The following CATSPERT variants were observed in gnomAD, a reference collection of about 807,000 sequenced individuals.
The protein encoded by CATSPERT is cation channel sperm-associated targeting subunit tau.
chr2:201,589,579 C>A, the CATSPERT span, among the ~76,000 whole-genome samples: 3 of 152,090 alleles, frequency 2.0e-5, no homozygotes, highest in Non-Finnish European at 4.4e-5. Context: ...TGGACCTCTA[C>A]CTTATACCAT....
chr2:201,519,579 C>G, the CATSPERT span, among the ~76,000 whole-genome samples: 1 of 151,096 alleles, frequency 6.6e-6, no homozygotes. Flanking sequence ...CACTGAGATA[C>G]AAGAGAATAC....
chr2:201,512,851 A>T, the CATSPERT span, among the ~76,000 whole-genome samples: 1 of 151,872 alleles, frequency 6.6e-6, no homozygotes, highest in Non-Finnish European at 1.5e-5. Flanking sequence ...TTTTTTAAAG[A>T]AACTGAATAA....
chr2:201,536,489 C>A, the CATSPERT span, among the ~76,000 whole-genome samples: 2 of 151,880 alleles, frequency 1.3e-5, no homozygotes, highest in African/African-American at 2.4e-5. Context: ...AAGTTCTTTA[C>A]TTGCCTGAAA....
the CATSPERT span, chr2:201,618,791 G>T: frequency 2.3e-6 from 2 of 864,348 alleles, no homozygotes; most frequent in Admixed American, 2.9e-5. Context: ...TGTGCCAATT[G>T]AAGGGAGATG....
the CATSPERT span, among the ~76,000 whole-genome samples, chr2:201,596,452 G>A: frequency 1.3e-5 from 2 of 152,014 alleles, no homozygotes; most frequent in Admixed American, 6.6e-5. Flanking sequence ...AGAGGCAGAG[G>A]ATCAGAAAAA....
At chr2:201,497,349 C>A in the CATSPERT span, among the ~76,000 whole-genome samples, 1 of 152,186 alleles carries the variant, frequency 6.6e-6, no homozygotes, top group Non-Finnish European at 1.5e-5. Context: ...CATACCTATT[C>A]TTTTGTTCCT....
the CATSPERT span, among the ~76,000 whole-genome samples, chr2:201,577,248 T>TA: frequency 1.3e-4 from 1 of 7,860 alleles, no homozygotes; most frequent in East Asian, 2.4e-3. Flanking sequence ...TATTCCAACA[T>TA]CAAAAAAAAA....
chr2:201,511,673 G>T, the CATSPERT span: 1 of 151,674 alleles, frequency 6.6e-6, no homozygotes, highest in African/African-American at 2.4e-5. Context: ...ATCTTGAAAG[G>T]CTTAATTTAT....
chr2:201,494,590 G>GCA, the CATSPERT span: 25 of 1,537,094 alleles, frequency 1.6e-5, no homozygotes, highest in Non-Finnish European at 2.0e-5. Flanking sequence ...AGCAGGTCCT[G>GCA]CAGTTTTTGA....
chr2:201,492,271 C>G, the CATSPERT span: 2 of 1,533,278 alleles, frequency 1.3e-6, no homozygotes, highest in Non-Finnish European at 8.7e-7. Flanking sequence ...TGGTATAGAA[C>G]TAGAATTAAG....
chr2:201,499,879 T>A, the CATSPERT span, among the ~76,000 whole-genome samples: 5 of 147,416 alleles, frequency 3.4e-5, no homozygotes, highest in Admixed American at 3.4e-4. Flanking sequence ...ATATATTGAG[T>A]ATATAATATA....
At chr2:201,547,672 A>C in the CATSPERT span, 2 of 822,106 alleles carry the variant, frequency 2.4e-6, no homozygotes, top group African/African-American at 3.5e-5. Context: ...ATATGGTATG[A>C]TTCACAGAAG....
the CATSPERT span, chr2:201,491,302 C>T: frequency 3.7e-5 from 57 of 1,537,654 alleles, no homozygotes; most frequent in Non-Finnish European, 4.4e-5. Context: ...TTGGGCGACA[C>T]GGTCTCTTTC....
the CATSPERT span, among the ~76,000 whole-genome samples, chr2:201,488,664 A>G: frequency 2.6e-5 from 4 of 152,288 alleles, no homozygotes; most frequent in South Asian, 2.1e-4. Context: ...ATACTTTGCA[A>G]AGATAGCCAC....
At chr2:201,603,119 C>G in the CATSPERT span, 1 of 933,318 alleles carries the variant, frequency 1.1e-6, no homozygotes. Flanking sequence ...ATAAAATGGT[C>G]AATGTGTTAA....
At chr2:201,600,586 A>G in the CATSPERT span, among the ~76,000 whole-genome samples, 1 of 151,934 alleles carries the variant, frequency 6.6e-6, no homozygotes, top group African/African-American at 2.4e-5. Flanking sequence ...AAAGTATAAT[A>G]AAAAAAATAA....
chr2:201,601,716 T>A, the CATSPERT span: 1 of 1,595,624 alleles, frequency 6.3e-7, no homozygotes, highest in East Asian at 2.3e-5. Flanking sequence ...CATTCTAATA[T>A]CTAGAAGAGA....
chr2:201,609,692 T>C, the CATSPERT span, among the ~76,000 whole-genome samples: 1 of 152,128 alleles, frequency 6.6e-6, no homozygotes, highest in Non-Finnish European at 1.5e-5. Context: ...GCAAAAGCAG[T>C]GCTAAGAGGG....
chr2:201,614,740 G>A, the CATSPERT span, among the ~76,000 whole-genome samples: 4 of 152,090 alleles, frequency 2.6e-5, no homozygotes, highest in South Asian at 2.1e-4. Flanking sequence ...GGGCTAAATG[G>A]TCCAATTAAA....
Sources: allele counts gnomAD v4.1 joint callset (sites outside exome capture counted in the v4.1 genomes callset), GRCh38; gene constraint gnomAD v4.1.1; transcripts MANE v1.5; gene names NCBI Gene and HGNC (gene_info 2026-07-23, HGNC 2026-07-21).